The following GPC5 variants were observed in gnomAD, a reference collection of about 807,000 sequenced individuals.
GPC5 encodes the protein glypican 5.
GPC5 carries 47 observed loss-of-function variants against 53.9 expected under a neutral mutation model. The observed-to-expected ratio is 0.87, with a 90% CI of 0.69 to 1.11. GPC5 has a LOEUF of 1.11. GPC5 is among the 50% of genes most tolerant of loss of function. The probability of loss-of-function intolerance (pLI) is 0.00; values close to 1 mark genes in which losing one functional copy is unlikely to be tolerated. For missense variants in GPC5, 748 were observed against 713.1 expected, an observed-to-expected ratio of 1.05 and a Z score of -0.56; for synonymous variants, 286 against 263.3, an observed-to-expected ratio of 1.09 and a Z score of -0.84.
intron 7 of GPC5, among the ~76,000 whole-genome samples, chr13:92,391,221 A>G (rs542620979): frequency 1.3e-4 from 20 of 152,168 alleles, no homozygotes; most frequent in African/African-American, 3.9e-4. Flanking sequence ...TAATTCTCCA[A>G]CCCATTTTTT....
intron 6 of GPC5, among the ~76,000 whole-genome samples, chr13:91,979,420 T>A (rs2040337349): frequency 6.6e-6 from 1 of 152,224 alleles, no homozygotes; most frequent in African/African-American, 2.4e-5. Flanking sequence ...GTCCTGCTGA[T>A]AATGTGTTAT....
At chr13:92,753,887 C>T (rs539381622) in intron 7 of GPC5, among the ~76,000 whole-genome samples, 2 of 152,208 alleles carry the variant, frequency 1.3e-5, no homozygotes, top group East Asian at 1.9e-4. Context: ...GAGAATGGAA[C>T]CAAGTTGGAA....
intron 3 of GPC5, among the ~76,000 whole-genome samples, chr13:91,716,409 G>C (rs183319994): frequency 1.3e-5 from 2 of 152,244 alleles, no homozygotes; most frequent in Admixed American, 1.3e-4. Context: ...CTCATACCTT[G>C]ACAAACAATT....
At chr13:91,487,574 C>T (rs561759167) in intron 2 of GPC5, among the ~76,000 whole-genome samples, 71 of 152,284 alleles carry the variant, frequency 4.7e-4, no homozygotes, top group Admixed American at 1.4e-3. Context: ...GGCCTTGCAT[C>T]TAAAATAGTA....
At chr13:92,084,386 G>GA (rs1172887848) in intron 6 of GPC5, among the ~76,000 whole-genome samples, 1 of 152,184 alleles carries the variant, frequency 6.6e-6, no homozygotes, top group Non-Finnish European at 1.5e-5. Context: ...AATGGCAAGA[G>GA]AAAAAATATT....
intron 7 of GPC5, among the ~76,000 whole-genome samples, chr13:92,587,346 G>T (rs1883570494): frequency 6.6e-6 from 1 of 152,090 alleles, no homozygotes; most frequent in South Asian, 2.1e-4. Flanking sequence ...AGGTACATGG[G>T]AATTAGTATT....
chr13:92,134,135 G>T (rs1209661253), intron 6 of GPC5, among the ~76,000 whole-genome samples: 1 of 152,120 alleles, frequency 6.6e-6, no homozygotes. Context: ...CATCTTCAAT[G>T]AGTTCATGGC....
chr13:92,109,751 A>G (rs1566439145), intron 6 of GPC5, among the ~76,000 whole-genome samples: 1 of 152,136 alleles, frequency 6.6e-6, no homozygotes, highest in Admixed American at 6.5e-5. Context: ...TAAACCTATT[A>G]AATGCTGATT....
chr13:91,497,984 G>A (rs1288218540), intron 2 of GPC5, among the ~76,000 whole-genome samples: 2 of 152,036 alleles, frequency 1.3e-5, no homozygotes, highest in African/African-American at 2.4e-5. Context: ...TGATTTTAAT[G>A]TAAAGATTTA....
At chr13:91,559,503 T>C (rs2031140840) in intron 2 of GPC5, among the ~76,000 whole-genome samples, 1 of 152,192 alleles carries the variant, frequency 6.6e-6, no homozygotes, top group South Asian at 2.1e-4. Flanking sequence ...TTTTGGTTTT[T>C]GAATTTTATT....
intron 6 of GPC5, among the ~76,000 whole-genome samples, chr13:91,998,553 C>T (rs1485482454): frequency 1.3e-5 from 2 of 152,134 alleles, no homozygotes; most frequent in African/African-American, 4.8e-5. Flanking sequence ...CCAACCTCCA[C>T]ACCAGTTTTC....
Position 92,077,921 on chromosome 13 carries a change from G to A in GPC5, c.1402-66909G>A, listed in dbSNP as rs1271077193. ...AGCATTGCTGAACTTGATAGACGTAGATATAGATAGCTAGGTAGATACAGA... is the reference window on the plus strand; with the variant it reads ...AGCATTGCTGAACTTGATAGACGTAAATATAGATAGCTAGGTAGATACAGA... On this transcript the variant is annotated intron_variant, in intron 6 of 7. Transcript: ENST00000377067. Among the ~76,000 whole-genome samples the A allele has an allele frequency of 3.9e-5, 6 of 152,102 alleles. No individual in the cohort carries two copies. In the East Asian group the frequency reaches 1.2e-3, roughly 29 times the overall value.
intron 7 of GPC5, among the ~76,000 whole-genome samples, chr13:92,669,949 C>A (rs1265574072): frequency 6.6e-6 from 1 of 152,144 alleles, no homozygotes; most frequent in Non-Finnish European, 1.5e-5. Context: ...GTCACACAAT[C>A]TATGTTTTTC....
chr13:92,735,754 C>G (rs972720778), intron 7 of GPC5, among the ~76,000 whole-genome samples: 4 of 151,984 alleles, frequency 2.6e-5, no homozygotes, highest in Non-Finnish European at 4.4e-5. Context: ...GCTTTCGCAG[C>G]TATCTAATGG....
At chr13:91,731,195 G>A (rs1230935209) in intron 4 of GPC5, among the ~76,000 whole-genome samples, 3 of 152,160 alleles carry the variant, frequency 2.0e-5, no homozygotes, top group Non-Finnish European at 4.4e-5. Context: ...CAGGTGTCAG[G>A]ACATATTTGG....
intron 7 of GPC5, among the ~76,000 whole-genome samples, chr13:92,413,380 A>G (rs1876134376): frequency 6.6e-6 from 1 of 152,232 alleles, no homozygotes; most frequent in Non-Finnish European, 1.5e-5. Flanking sequence ...TGAATAAATC[A>G]AGATTATTTT....
intron 7 of GPC5, among the ~76,000 whole-genome samples, chr13:92,286,047 A>T (rs555559347): frequency 3.2e-4 from 49 of 152,328 alleles, no homozygotes; most frequent in African/African-American, 1.2e-3. Flanking sequence ...AATTTACAAG[A>T]AAAAAGCAAC....
At position 92,361,197 on chromosome 13, in the gene GPC5, A is replaced by C. The variant is rs1205032850; in HGVS notation, c.1561+216208A>C. On this transcript the variant is annotated intron_variant, in intron 7 of 7. Coordinates refer to ENST00000377067, the MANE Select transcript of GPC5 (RefSeq NM_004466.6). Reference sequence around the variant, plus strand: ...TGCTAATTCAAATAAAGGAAAAAAAACAATGGATGCTAAAGAAAACCTTTG... The same window carrying C: ...TGCTAATTCAAATAAAGGAAAAAAACCAATGGATGCTAAAGAAAACCTTTG... Among the ~76,000 whole-genome samples the C allele has an allele frequency of 7.2e-5, 11 of 151,896 alleles. No homozygotes were observed. The East Asian group carries it at 1.2e-3, about 16-fold the overall frequency.
intron 2 of GPC5, among the ~76,000 whole-genome samples, chr13:91,456,698 T>C (rs974892349): frequency 1.3e-5 from 2 of 152,064 alleles, no homozygotes; most frequent in African/African-American, 2.4e-5. Flanking sequence ...AAAAAATTTT[T>C]ACCCCGTGGA....
Sources: allele counts gnomAD v4.1 joint callset (sites outside exome capture counted in the v4.1 genomes callset), GRCh38; gene constraint gnomAD v4.1.1; transcripts MANE v1.5; gene names NCBI Gene and HGNC (gene_info 2026-07-23, HGNC 2026-07-21).